The following CCDC38 variants were observed in gnomAD, a reference collection of about 807,000 sequenced individuals.
The protein encoded by CCDC38 is coiled-coil domain containing 38, also known as coiled-coil domain-containing protein 38.
A neutral mutation model predicts 72.8 loss-of-function variants in CCDC38; 69 were observed. The observed-to-expected ratio is 0.95, with a 90% CI of 0.78 to 1.16. The LOEUF is 1.16. Among genes scored for constraint, CCDC38 ranks in the 50% most tolerant of loss-of-function variants. CCDC38 has a pLI of 0.00. For missense variants in CCDC38, 626 were observed against 638.9 expected, an observed-to-expected ratio of 0.98 and a Z score of 0.22; for synonymous variants, 201 against 213.2, an observed-to-expected ratio of 0.94 and a Z score of 0.50.
At chr12:95,914,037 C>T (rs573820236) in intron 4 of CCDC38, among the ~76,000 whole-genome samples, 3 of 152,308 alleles carry the variant, frequency 2.0e-5, no homozygotes, top group South Asian at 2.1e-4. Flanking sequence ...GATTTTAAAA[C>T]TTTAGGCTGG....
rs538435013 is a variant in CCDC38 at position 95,877,463 on chromosome 12, G to A, written c.1278+748C>T. Reference sequence around the variant, plus strand: ...CGTTATTGGGCCACGAGAAATAGCAGCCCAACCCTCAGTTTGGTCCCGAAA... The same window carrying A: ...CGTTATTGGGCCACGAGAAATAGCAACCCAACCCTCAGTTTGGTCCCGAAA... On this transcript the variant is annotated intron_variant, in intron 13 of 15. Coordinates refer to ENST00000344280, the MANE Select transcript of CCDC38 (RefSeq NM_182496.3). Among the ~76,000 whole-genome samples, 280 of 152,250 alleles carry A rather than the reference G, an allele frequency of 1.8e-3. 1 individual carries two copies. The highest frequency in any genetic ancestry group is 6.5e-3 in the African/African-American group (269 of 41,562).
At chr12:95,888,102 A>G (rs1298724771) in intron 10 of CCDC38, among the ~76,000 whole-genome samples, 2 of 152,232 alleles carry the variant, frequency 1.3e-5, no homozygotes, top group East Asian at 1.9e-4. Flanking sequence ...GAAAACAACA[A>G]CAAAAAAATA....
chr12:95,939,661 A>G (rs2080428962), intron 1 of CCDC38, among the ~76,000 whole-genome samples: 1 of 152,208 alleles, frequency 6.6e-6, no homozygotes, highest in Non-Finnish European at 1.5e-5. Context: ...GCACTTGGGA[A>G]GATCAGAGGC....
intron 13 of CCDC38, among the ~76,000 whole-genome samples, chr12:95,872,834 G>A (rs1485462631): frequency 6.6e-6 from 1 of 152,188 alleles, no homozygotes; most frequent in Non-Finnish European, 1.5e-5. Context: ...CTCGGCCACA[G>A]GCATCAGCCA....
chr12:95,934,066 T>C (rs919133615), intron 2 of CCDC38: 1 of 152,070 alleles, frequency 6.6e-6, no homozygotes, highest in Non-Finnish European at 1.5e-5. Context: ...ATATATAATG[T>C]TAACTGAAAA....
intron 1 of CCDC38, among the ~76,000 whole-genome samples, chr12:95,937,745 G>T (rs536855950): frequency 6.6e-6 from 1 of 152,132 alleles, no homozygotes. Context: ...TTTGAATCTT[G>T]GTTTGGTATT....
At chr12:95,909,473 C>A (rs924487503) in intron 4 of CCDC38, among the ~76,000 whole-genome samples, 3 of 152,098 alleles carry the variant, frequency 2.0e-5, no homozygotes, top group Admixed American at 6.5e-5. Flanking sequence ...ACCAGAGGTA[C>A]AAAGAAAGGC....
At chr12:95,869,373 TTA>T (rs1456372468) in intron 15 of CCDC38, 105 bp downstream of exon 15, 1 of 799,116 alleles carries the variant, frequency 1.3e-6, no homozygotes, top group African/African-American at 1.8e-5. Flanking sequence ...GCAAGAAAGA[TTA>T]TCTTTCTGAA....
chr12:95,932,846 G>A (rs914924833), intron 2 of CCDC38, among the ~76,000 whole-genome samples: 4 of 152,166 alleles, frequency 2.6e-5, no homozygotes, highest in Non-Finnish European at 5.9e-5. Flanking sequence ...AACAGGATGG[G>A]GAGATTGCTC....
chr12:95,920,678 G>C lies in CCDC38; in HGVS notation c.38-1702C>G, dbSNP rs550389498. Reference sequence around the variant, plus strand: ...ATTCATGGAGATAGAAAGTAGGTGAGTAGTTGCTTGGGGCTGGAGGGTGGA... The same window carrying C: ...ATTCATGGAGATAGAAAGTAGGTGACTAGTTGCTTGGGGCTGGAGGGTGGA... On this transcript the variant is annotated intron_variant, in intron 2 of 15. Transcript: ENST00000344280. Among the ~76,000 whole-genome samples the C allele has an allele frequency of 1.3e-3, 199 of 152,144 alleles. 1 individual carries two copies. Among genetic ancestry groups the C allele is most frequent in the African/African-American group, 4.7e-3 (194 of 41,478 alleles).
Position 95,872,291 on chromosome 12 carries a change from G to C in CCDC38, c.1448C>G (p.Ala483Gly). 2 of 1,613,972 alleles carry C rather than the reference G, an allele frequency of 1.2e-6. No individual in the cohort carries two copies. Among genetic ancestry groups the C allele is most frequent in the African/African-American group, 2.7e-5 (2 of 74,960 alleles). ...TTCTTTCTGTTTCATCCTCTCAATT[G>C]CCTCCACATTTTCTTTGGGAATGGA... The part of the protein sequence containing the change: ...IESIPKENVE[A>G]IERMKQKEWR... The change falls in exon 14 of 16, where the codon GCA (alanine) becomes GGA (glycine). Residue 483 changes from alanine (A) to glycine (G), a missense_variant. Physicochemically the swap from Ala to Gly is moderately conservative, Grantham distance 60. Transcript: ENST00000344280.
At position 95,881,557 on chromosome 12, in the gene CCDC38, G is replaced by A. The variant is rs1266024032; in HGVS notation, c.921-3C>T. On this transcript the variant is annotated splice_polypyrimidine_tract_variant and splice_region_variant and intron_variant, in intron 10 of 15. Transcript: ENST00000344280. ...CTGAACCGAAACTTTCAGCCAGGCT[G>A]TAAAAGAAAAAAGAAAAAGAAAATG... 6.2e-7 allele frequency: 1 copy of A among 1,605,742 alleles called. No individual in the cohort carries two copies. Among genetic ancestry groups the A allele is most frequent in the Non-Finnish European group, 8.5e-7 (1 of 1,175,900 alleles).
intron 10 of CCDC38, among the ~76,000 whole-genome samples, chr12:95,882,102 G>T (rs577794101): frequency 6.6e-6 from 1 of 152,186 alleles, no homozygotes; most frequent in African/African-American, 2.4e-5. Flanking sequence ...GCATAATCAT[G>T]TGGCTTGGAA....
At chr12:95,891,692 T>G (rs1055709979) in intron 8 of CCDC38, among the ~76,000 whole-genome samples, 11 of 125,248 alleles carry the variant, frequency 8.8e-5, no homozygotes, top group South Asian at 2.4e-4. Flanking sequence ...ATACTTCTTG[T>G]TTTTTTTTTC....
intron 1 of CCDC38, among the ~76,000 whole-genome samples, chr12:95,938,350 A>G (rs2080415367): frequency 1.3e-5 from 2 of 151,812 alleles, no homozygotes; most frequent in Admixed American, 6.6e-5. Flanking sequence ...ACTCATCTCC[A>G]CTCTTAGGAT....
At chr12:95,921,587 G>A (rs946931365) in intron 2 of CCDC38, among the ~76,000 whole-genome samples, 2 of 152,024 alleles carry the variant, frequency 1.3e-5, no homozygotes, top group African/African-American at 2.4e-5. Context: ...GGGGGAAAAC[G>A]CCCCCATGAT....
intron 2 of CCDC38, among the ~76,000 whole-genome samples, chr12:95,925,342 G>A (rs562924517): frequency 6.6e-6 from 1 of 152,200 alleles, no homozygotes; most frequent in African/African-American, 2.4e-5. Context: ...TCCTCTGTTT[G>A]TCTCTTATTG....
chr12:95,891,520 A>AT (rs930870618), intron 8 of CCDC38, among the ~76,000 whole-genome samples: 5 of 151,276 alleles, frequency 3.3e-5, no homozygotes, highest in East Asian at 1.9e-4. Context: ...TAATTTTTGT[A>AT]TTTTTTTTGT....
In CCDC38 at chr12:95,872,409, A is replaced by G. The variant is rs2079591038; in HGVS notation, c.1330T>C (p.Cys444Arg). The G allele has an allele frequency of 1.2e-6, 2 of 1,614,196 alleles. No individual in the cohort carries two copies. The highest frequency in any genetic ancestry group is 1.3e-5 in the African/African-American group (1 of 75,072). Residue 444 changes from cysteine to arginine, a missense_variant, in exon 14 of 16, where the codon TGC (cysteine) becomes CGC (arginine). Cys to Arg is a radical substitution (Grantham distance 180). Coordinates refer to ENST00000344280, the MANE Select transcript of CCDC38 (RefSeq NM_182496.3). ...CCGTCATCCTCAGCATCTCCAATGC[A>G]GACTTTGTATACTTGAGTAATCTTT... ...SKKITQVYKV[C>R]IGDAEDDGLN...
Sources: gnomAD v4.1 joint callset for allele counts (sites outside exome capture counted in the v4.1 genomes callset) on GRCh38, gnomAD v4.1.1 for gene constraint, MANE v1.5 for transcripts, NCBI Gene and HGNC (gene_info 2026-07-23, HGNC 2026-07-21) for gene names.